The following APOL2 variants were observed in gnomAD, a reference collection of about 807,000 sequenced individuals.
APOL2 encodes the protein apolipoprotein L, 2.
APOL2 carries 8 observed loss-of-function variants against 7.1 expected under a neutral mutation model. The observed-to-expected ratio is 1.12, with a 90% CI of 0.66 to 2.03. The LOEUF (loss-of-function observed/expected upper bound fraction) is 2.03, where lower values mean the gene tolerates loss of function less well. Ranked by LOEUF, APOL2 falls within the 30% of genes most tolerant of loss-of-function variation. The pLI is 0.00. For missense variants in APOL2, 471 were observed against 415.1 expected (o/e 1.13, Z -1.17); for synonymous variants, 177 against 159.9 (o/e 1.11, Z -0.81).
rs993567523 is a variant in APOL2, at chr22:36,230,410, A to G, written c.137+930T>C. Reference sequence around the variant, plus strand: ...TGTTGGGATCATCCAGACAGGGAAGAAATATCCCTCTCCCACTCACATGTC... The same window carrying G: ...TGTTGGGATCATCCAGACAGGGAAGGAATATCCCTCTCCCACTCACATGTC... On this transcript the variant is annotated intron_variant, in intron 4 of 4. Transcript: ENST00000358502. Among the ~76,000 whole-genome samples the G allele has an allele frequency of 4.6e-5, 7 of 152,172 alleles. No individual in the cohort carries two copies. In the South Asian group the frequency reaches 1.5e-3, roughly 32 times the overall value.
Position 36,236,556 on chromosome 22 carries a change from G to C in APOL2, c.-134+2885C>G, listed in dbSNP as rs999517994. ...ATAATACCGATTCAGGCCCATCCCA[G>C]TTAGGGGCGGCTCCAAAATCACCAT... On this transcript the variant is annotated intron_variant, in intron 1 of 4. Transcript: ENST00000358502. 5 of 985,270 alleles carry C rather than the reference G, an allele frequency of 5.1e-6. No individual in the cohort carries two copies. In the Admixed American group the frequency reaches 1.8e-4, roughly 36 times the overall value. The allele number at this position is 985,270 out of a possible 1,614,324, so 61.0% of individuals were successfully genotyped here.
Position 36,231,417 on chromosome 22 carries a change from C to T in APOL2, c.60G>A (p.Val20=). 1 of 1,614,076 alleles carries T rather than the reference C, an allele frequency of 6.2e-7. No homozygotes were observed. Among genetic ancestry groups the T allele is most frequent in the Non-Finnish European group, 8.5e-7 (1 of 1,179,892 alleles). The change falls in exon 4 of 5, where the codon GTG becomes GTA. Residue 20 remains valine, a synonymous_variant. Transcript: ENST00000358502. ...GCAGTTGTAGCAGATTCTCTCTGCT[C>T]ACTTGGTCCTGGAAATACTTAAGGT... ...EDYLKYFQDQ[V]SRENLLQLLT...
At chr22:36,237,221 A>C in intron 1 of APOL2, 1 of 1,382,508 alleles carries the variant, frequency 7.2e-7, no homozygotes, top group Non-Finnish European at 9.4e-7. Context: ...GTGAGCCTGC[A>C]GGCTGGTCAA....
rs1286886718 is a variant in APOL2, at chr22:36,227,706, C to T, written c.712G>A (p.Ala238Thr). 55 of 1,614,130 alleles carry T rather than the reference C, an allele frequency of 3.4e-5. No homozygotes were observed. Among genetic ancestry groups the T allele is most frequent in the Non-Finnish European group, 4.6e-5 (54 of 1,180,048 alleles). The change falls in exon 5 of 5, where the codon GCG (alanine) becomes ACG (threonine). Residue 238 changes from alanine to threonine, a missense_variant. Transcript: ENST00000358502. Reference protein sequence around the residue: ...RRARANPQLGAYAPPPHVIGR... With the variant: ...RRARANPQLGTYAPPPHVIGR... ...ATGACATGCGGGGGTGGGGCATACGCTCCTAACTGAGGGTTGGCTCTGGCT... is the reference window on the plus strand; with the variant it reads ...ATGACATGCGGGGGTGGGGCATACGTTCCTAACTGAGGGTTGGCTCTGGCT...
chr22:36,236,733 C>T (rs1203562019), intron 1 of APOL2: 15 of 985,270 alleles, frequency 1.5e-5, no homozygotes, highest in African/African-American at 1.7e-5. Context: ...AGCCACTCGC[C>T]TCCCTCTTTC....
intron 3 of APOL2, 38 bp downstream of exon 3, chr22:36,233,115 C>A (rs369311783): frequency 1.0e-4 from 164 of 1,602,304 alleles, no homozygotes; most frequent in Non-Finnish European, 1.3e-4. Flanking sequence ...ATTCTAGGTG[C>A]GAGTAGGAAC....
At chr22:36,235,742 A>AGG (rs1182539312) in intron 1 of APOL2, among the ~76,000 whole-genome samples, 5 of 111,606 alleles carry the variant, frequency 4.5e-5, no homozygotes, top group African/African-American at 9.0e-5. Flanking sequence ...GGAGGAAGAA[A>AGG]GGGTGGGTGG....
intron 3 of APOL2, among the ~76,000 whole-genome samples, chr22:36,231,853 AT>A (rs1460147284): frequency 1.3e-5 from 2 of 152,148 alleles, no homozygotes; most frequent in Non-Finnish European, 2.9e-5. Context: ...CAACCCCTTA[AT>A]TTAATAAACC....
chr22:36,236,398 G>A (rs1023427388), intron 1 of APOL2, among the ~76,000 whole-genome samples: 1 of 152,140 alleles, frequency 6.6e-6, no homozygotes, highest in African/African-American at 2.4e-5. Context: ...TAAGTAAATT[G>A]TTTACAGCTA....
Position 36,239,461 on chromosome 22 carries a change from G to C in APOL2, c.-154C>G. ...CTTACCAAGGGATCTTCCTCTGACAGAGACTGAGCAAGATCCAACTGTTCT... is the reference window on the plus strand; with the variant it reads ...CTTACCAAGGGATCTTCCTCTGACACAGACTGAGCAAGATCCAACTGTTCT... On this transcript the variant is annotated 5_prime_UTR_variant, in exon 1 of 5. Transcript: ENST00000358502. 1 of 1,567,822 alleles carries C rather than the reference G, an allele frequency of 6.4e-7. No homozygotes were observed. Among genetic ancestry groups the C allele is most frequent in the Non-Finnish European group, 8.6e-7 (1 of 1,163,328 alleles).
intron 1 of APOL2, 34 bp from the exon 2 acceptor site, chr22:36,233,489 G>C (rs1245041868): frequency 7.2e-6 from 11 of 1,526,772 alleles, no homozygotes; most frequent in East Asian, 2.4e-5. Context: ...AATCAGAGGA[G>C]GGGCAGCCAT....
At chr22:36,233,110 A>C in intron 3 of APOL2, 43 bp downstream of exon 3, 1 of 1,589,910 alleles carries the variant, frequency 6.3e-7, no homozygotes, top group Non-Finnish European at 8.6e-7. Context: ...CCTCCATTCT[A>C]GGTGCGAGTA....
chr22:36,239,318 T>A (rs1032072380), intron 1 of APOL2, 123 bp downstream of exon 1: 63 of 1,344,918 alleles, frequency 4.7e-5, no homozygotes, highest in South Asian at 4.2e-4. Flanking sequence ...ACTGCTTTCC[T>A]GTCTGATCTG....
upstream of APOL2, chr22:36,239,808 C>T: frequency 2.4e-6 from 1 of 413,570 alleles, no homozygotes; most frequent in East Asian, 4.5e-5. Flanking sequence ...AGAGTTGAGC[C>T]TGGGGAGTTT....
chr22:36,229,927 G>A (rs956720610), intron 4 of APOL2, among the ~76,000 whole-genome samples: 1 of 152,118 alleles, frequency 6.6e-6, no homozygotes, highest in East Asian at 1.9e-4. Context: ...CCACATGGAC[G>A]CTCCAGCCAC....
chr22:36,235,706 G>T (rs1293965908), intron 1 of APOL2, among the ~76,000 whole-genome samples: 1 of 146,866 alleles, frequency 6.8e-6, no homozygotes, highest in African/African-American at 2.4e-5. Flanking sequence ...GGTGTTCTAA[G>T]AAAGCTACTT....
At chr22:36,239,263 A>AG in intron 1 of APOL2, 178 bp downstream of exon 1, 1 of 1,374,130 alleles carries the variant, frequency 7.3e-7, no homozygotes, top group South Asian at 1.8e-5. Context: ...AGCAGGAGGG[A>AG]GGGAGCAATC....
At chr22:36,230,769 C>T (rs1241971582) in intron 4 of APOL2, among the ~76,000 whole-genome samples, 1 of 151,962 alleles carries the variant, frequency 6.6e-6, no homozygotes, top group East Asian at 1.9e-4. Flanking sequence ...TCTCAGGATC[C>T]TGGACCAGCA....
intron 1 of APOL2, chr22:36,236,782 A>C: frequency 9.2e-7 from 1 of 1,085,074 alleles, no homozygotes; most frequent in Non-Finnish European, 1.1e-6. Context: ...GCATCCAGAT[A>C]TCTGTCTTCT....
Sources: gnomAD v4.1 joint callset for allele counts (sites outside exome capture counted in the v4.1 genomes callset) on GRCh38, gnomAD v4.1.1 for gene constraint, MANE v1.5 for transcripts, NCBI Gene and HGNC (gene_info 2026-07-23, HGNC 2026-07-21) for gene names.